Variants in DOCK2 observed in about 807,000 individuals in gnomAD.
DOCK2 encodes dedicator of cytokinesis protein 2.
In DOCK2, 87 loss-of-function variants were observed where a neutral mutation model predicts 248.9. The ratio of observed to expected loss-of-function variants is 0.35; its 90% CI spans 0.29 to 0.42. The LOEUF (loss-of-function observed/expected upper bound fraction) is 0.42. Ranked by LOEUF, DOCK2 falls within the 10% of genes least tolerant of loss-of-function variation. The pLI, the probability that DOCK2 is intolerant of heterozygous loss-of-function variation, is 1.00. For missense variants in DOCK2, 1,747 were observed against 2,300.2 expected (o/e 0.76, Z 4.92); for synonymous variants, 805 against 821.6 (o/e 0.98, Z 0.35).
At chr5:170,072,307 AAT>A (rs1456740144) in intron 46 of DOCK2, among the ~76,000 whole-genome samples, 1 of 152,198 alleles carries the variant, frequency 6.6e-6, no homozygotes, top group African/African-American at 2.4e-5. Context: ...TCTTTGGCTC[AAT>A]ATAATGCCTT....
intron 46 of DOCK2, among the ~76,000 whole-genome samples, chr5:170,071,238 T>C (rs1293140019): frequency 1.3e-5 from 2 of 152,266 alleles, no homozygotes; most frequent in South Asian, 2.1e-4. Context: ...TTGCAACTTA[T>C]ATTTATTGAG....
Position 169,841,433 on chromosome 5 carries a change from C to T in DOCK2, c.2799+581C>T, listed in dbSNP as rs915996479. On this transcript the variant is annotated intron_variant, in intron 27 of 51. Transcript: ENST00000520908. ...CTCGAACCCTTTAACCTCTGCCCAT[C>T]GTGCTTTAAACCAAGGACCCAAAAT... 7.8e-5 allele frequency: 77 copies of T among 985,706 alleles called. 1 individual carries two copies. The highest frequency in any genetic ancestry group is 8.4e-5 in the Non-Finnish European group (70 of 830,200). 61.1% of individuals were successfully genotyped at this position (985,706 alleles called of 1,614,324 possible).
intron 27 of DOCK2, 148 bp downstream of exon 27, chr5:169,841,000 G>A (rs1769928236): frequency 1.8e-5 from 16 of 876,212 alleles, no homozygotes; most frequent in East Asian, 2.7e-5. Context: ...TGTCTGAGTT[G>A]GGAGGACTTG....
chr5:169,731,545 T>C (rs559385334), intron 22 of DOCK2, among the ~76,000 whole-genome samples: 1 of 152,248 alleles, frequency 6.6e-6, no homozygotes, highest in Non-Finnish European at 1.5e-5. Flanking sequence ...GTCTCGGCTA[T>C]GTCTTTATCA....
chr5:169,902,838 G>A (rs760753479), intron 27 of DOCK2, among the ~76,000 whole-genome samples: 13 of 152,128 alleles, frequency 8.5e-5, no homozygotes, highest in Admixed American at 1.3e-4. Context: ...GGTGGCTCAC[G>A]CCTGTAATCC....
intron 1 of DOCK2, among the ~76,000 whole-genome samples, chr5:169,648,625 T>C (rs1211315699): frequency 3.3e-5 from 5 of 152,140 alleles, no homozygotes; most frequent in African/African-American, 1.2e-4. Flanking sequence ...AATCCTCACT[T>C]GGCCCCTTCT....
chr5:169,762,231 T>C (rs891791013), intron 25 of DOCK2, among the ~76,000 whole-genome samples: 7 of 152,162 alleles, frequency 4.6e-5, no homozygotes, highest in African/African-American at 1.7e-4. Flanking sequence ...TCCAGTTTCT[T>C]GTGTTTGCTT....
intron 25 of DOCK2, among the ~76,000 whole-genome samples, chr5:169,785,490 C>T (rs918714424): frequency 1.3e-5 from 2 of 152,086 alleles, no homozygotes; most frequent in South Asian, 4.1e-4. Flanking sequence ...TAAAGTTATT[C>T]ATTAAAATGG....
chr5:169,737,186 G>A (rs750622839), intron 22 of DOCK2, among the ~76,000 whole-genome samples: 1 of 152,176 alleles, frequency 6.6e-6, no homozygotes, highest in Non-Finnish European at 1.5e-5. Context: ...GTTGGCAGGT[G>A]AAGAGGAGGA....
chr5:170,082,256 G>A (rs142683078), intron 51 of DOCK2, among the ~76,000 whole-genome samples: 31 of 152,162 alleles, frequency 2.0e-4, no homozygotes, highest in African/African-American at 7.2e-4. Flanking sequence ...GCCTACCCTC[G>A]CCTAAACTGC....
At chr5:169,663,862 A>G (rs1253601888) in intron 2 of DOCK2, among the ~76,000 whole-genome samples, 1 of 152,168 alleles carries the variant, frequency 6.6e-6, no homozygotes, top group Admixed American at 6.5e-5. Flanking sequence ...CATTTTCCCT[A>G]CTATCTTGGC....
intron 35 of DOCK2, 49 bp downstream of exon 35, chr5:170,034,604 C>G (rs751184739): frequency 1.2e-6 from 2 of 1,603,914 alleles, no homozygotes; most frequent in African/African-American, 1.3e-5. Flanking sequence ...TGTGGGGGGG[C>G]TTGGGCTTGG....
intron 29 of DOCK2, among the ~76,000 whole-genome samples, chr5:169,989,097 G>A (rs74874673): frequency 0.017 from 2,536 of 152,174 alleles, 76 homozygotes; most frequent in African/African-American, 0.056. Context: ...TGTTATGTAT[G>A]CATTAGTCAT....
At chr5:169,715,222 C>T (rs971370546) in intron 19 of DOCK2, among the ~76,000 whole-genome samples, 5 of 152,140 alleles carry the variant, frequency 3.3e-5, no homozygotes, top group African/African-American at 9.7e-5. Context: ...TAAAGCAACC[C>T]TTCTCTCCAG....
At chr5:169,872,495 G>T (rs896153693) in intron 27 of DOCK2, among the ~76,000 whole-genome samples, 1 of 152,188 alleles carries the variant, frequency 6.6e-6, no homozygotes, top group African/African-American at 2.4e-5. Flanking sequence ...AAATTGGCAA[G>T]TCTACCCCTT....
chr5:169,801,171 T>TG (rs1766963004), intron 25 of DOCK2, among the ~76,000 whole-genome samples: 1 of 127,790 alleles, frequency 7.8e-6, no homozygotes, highest in African/African-American at 2.9e-5. Flanking sequence ...TTTTTTTTTT[T>TG]TTTTTTTTTT....
intron 27 of DOCK2, among the ~76,000 whole-genome samples, chr5:169,947,819 T>C (rs1776506148): frequency 6.6e-6 from 1 of 152,128 alleles, no homozygotes; most frequent in Admixed American, 6.5e-5. Context: ...AGCATGAGCA[T>C]ACATAAATAC....
rs79363241 is a variant in DOCK2 at position 169,988,063 on chromosome 5, G to A, written c.2993+2141G>A. Among the ~76,000 whole-genome samples, 1,029 of 152,114 alleles carry A rather than the reference G, an allele frequency of 6.8e-3. 10 individuals are homozygous for A. The highest frequency in any genetic ancestry group is 0.041 in the Middle Eastern group (12 of 294). ...CAAGGAAAATATCAATAATAATAGC[G>A]TTGCCATCACTAGGTGATGACAACA... On this transcript the variant is annotated intron_variant, in intron 29 of 51. Coordinates refer to ENST00000520908, the MANE Select transcript of DOCK2 (RefSeq NM_004946.3).
At chr5:169,696,078 A>G in intron 10 of DOCK2, 140 bp downstream of exon 10, 1 of 1,170,562 alleles carries the variant, frequency 8.5e-7, no homozygotes, top group Non-Finnish European at 1.1e-6. Context: ...CTTAATAACT[A>G]CATTTCTGGT....
Sources: gnomAD v4.1 joint callset for allele counts (sites outside exome capture counted in the v4.1 genomes callset) on GRCh38, gnomAD v4.1.1 for gene constraint, MANE v1.5 for transcripts, NCBI Gene and HGNC (gene_info 2026-07-23, HGNC 2026-07-21) for gene names.